The following CDH2 variants were observed in gnomAD, a reference collection of about 807,000 sequenced individuals.
CDH2 encodes the protein cadherin-2.
A neutral mutation model predicts 92.0 loss-of-function variants in CDH2; 17 were observed. That is an observed-to-expected ratio of 0.18 (90% confidence interval 0.13 to 0.28). The LOEUF is 0.28. Ranked by LOEUF, CDH2 falls within the 10% of genes least tolerant of loss-of-function variation. CDH2 has a pLI of 1.00. For synonymous variants in CDH2, 419 were observed against 415.9 expected, an observed-to-expected ratio of 1.01 and a Z score of -0.09; for missense variants, 862 against 1,133.1, an observed-to-expected ratio of 0.76 and a Z score of 3.44.
intron 15 of CDH2, among the ~76,000 whole-genome samples, chr18:27,955,944 C>T (rs998171852): frequency 6.6e-6 from 1 of 151,900 alleles, no homozygotes; most frequent in Non-Finnish European, 1.5e-5. Flanking sequence ...ACTTTAAATC[C>T]CTTCCATTTG....
intron 2 of CDH2, among the ~76,000 whole-genome samples, chr18:28,118,359 T>C (rs759756024): frequency 2.0e-5 from 3 of 152,162 alleles, no homozygotes; most frequent in Non-Finnish European, 4.4e-5. Flanking sequence ...CTATTATGTA[T>C]GACTTTTAGT....
At chr18:27,964,355 G>A (rs2011485956) in intron 14 of CDH2, among the ~76,000 whole-genome samples, 2 of 152,162 alleles carry the variant, frequency 1.3e-5, no homozygotes, top group South Asian at 4.1e-4. Context: ...CATCTGGACA[G>A]GAATGTATAA....
At chr18:28,046,522 C>G (rs1019689592) in intron 2 of CDH2, among the ~76,000 whole-genome samples, 4 of 152,036 alleles carry the variant, frequency 2.6e-5, no homozygotes, top group African/African-American at 7.2e-5. Context: ...AAACAAAAGT[C>G]ATAATTTAGA....
intron 2 of CDH2, among the ~76,000 whole-genome samples, chr18:28,016,533 C>G (rs1026946184): frequency 1.3e-5 from 2 of 152,032 alleles, no homozygotes; most frequent in Non-Finnish European, 2.9e-5. Flanking sequence ...TTATGGAATG[C>G]CAGGCACTGA....
At chr18:28,034,299 A>G (rs1361345787) in intron 2 of CDH2, among the ~76,000 whole-genome samples, 1 of 152,120 alleles carries the variant, frequency 6.6e-6, no homozygotes. Flanking sequence ...CCGAGTGAAT[A>G]TCACCAGTGA....
intron 2 of CDH2, among the ~76,000 whole-genome samples, chr18:28,126,829 AG>A (rs1216439479): frequency 3.3e-5 from 5 of 152,208 alleles, no homozygotes; most frequent in Admixed American, 3.3e-4. Flanking sequence ...TAAAATTGAA[AG>A]GTGGACAGAG....
Position 28,147,792 on chromosome 18 carries a change from A to G in CDH2, c.61-8T>C. On this transcript the variant is annotated splice_polypyrimidine_tract_variant and splice_region_variant and intron_variant, in intron 1 of 15. Transcript: ENST00000269141. ...AGAAGCCTCTACAGACGCCTGCAACACAAGAAAAAAAAAAAAAATGTGTGC... is the reference window on the plus strand; with the variant it reads ...AGAAGCCTCTACAGACGCCTGCAACGCAAGAAAAAAAAAAAAAATGTGTGC... 1.3e-6 allele frequency: 2 copies of G among 1,503,844 alleles called. No individual in the cohort carries two copies. Among genetic ancestry groups the G allele is most frequent in the Non-Finnish European group, 1.8e-6 (2 of 1,098,712 alleles). The allele number at this position is 1,503,844 out of a possible 1,614,324, so 93.2% of individuals were successfully genotyped here. A position where few individuals can be genotyped will look rare whatever the true frequency, so the allele number is the denominator to read the frequency against.
At chr18:28,151,187 G>A (rs997709970) in intron 1 of CDH2, among the ~76,000 whole-genome samples, 19 of 152,352 alleles carry the variant, frequency 1.2e-4, no homozygotes, top group African/African-American at 3.8e-4. Context: ...TTGGGCATTG[G>A]AAGTTCTCTG....
chr18:28,001,350 A>T (rs765494343), intron 7 of CDH2, among the ~76,000 whole-genome samples: 1 of 152,242 alleles, frequency 6.6e-6, no homozygotes, highest in Non-Finnish European at 1.5e-5. Context: ...TGAGATAGGA[A>T]TATTACCATA....
chr18:28,122,337 A>G (rs1327672153), intron 2 of CDH2, among the ~76,000 whole-genome samples: 1 of 152,114 alleles, frequency 6.6e-6, no homozygotes, highest in African/African-American at 2.4e-5. Flanking sequence ...GACTATTTCT[A>G]TTCAGTGTTG....
chr18:28,173,089 T>C (rs1028429486), intron 1 of CDH2, among the ~76,000 whole-genome samples: 1 of 151,796 alleles, frequency 6.6e-6, no homozygotes, highest in African/African-American at 2.4e-5. Context: ...AGAAAGATTT[T>C]AGTCTCTACA....
intron 2 of CDH2, among the ~76,000 whole-genome samples, chr18:28,109,324 T>C (rs185761915): frequency 2.0e-5 from 3 of 152,334 alleles, no homozygotes; most frequent in Admixed American, 2.0e-4. Flanking sequence ...TTTACTAATT[T>C]GCAAAGAAGT....
intron 2 of CDH2, among the ~76,000 whole-genome samples, chr18:28,127,684 CAG>C (rs1368359342): frequency 1.3e-5 from 2 of 151,716 alleles, no homozygotes; most frequent in African/African-American, 2.4e-5. Context: ...CAGAAAAAAA[CAG>C]AGTTTATTAC....
chr18:28,049,381 T>C (rs1056325114), intron 2 of CDH2, among the ~76,000 whole-genome samples: 14 of 152,180 alleles, frequency 9.2e-5, no homozygotes, highest in African/African-American at 3.1e-4. Context: ...AACACGCTCC[T>C]GAAACACTAC....
At chr18:28,012,136 C>T in intron 3 of CDH2, 144 bp from the exon 4 acceptor site, 1 of 625,220 alleles carries the variant, frequency 1.6e-6, no homozygotes, top group South Asian at 3.1e-5. Context: ...TCCCTGGCCC[C>T]CTATTAAAAT....
chr18:28,073,678 C>A (rs2014663022), intron 2 of CDH2, among the ~76,000 whole-genome samples: 1 of 152,080 alleles, frequency 6.6e-6, no homozygotes, highest in African/African-American at 2.4e-5. Context: ...ACCTGGTAAA[C>A]AGATATGTTA....
downstream of CDH2, chr18:27,950,939 T>TAGAAA (rs1209163728): frequency 3.3e-5 from 5 of 152,616 alleles, no homozygotes; most frequent in East Asian, 3.9e-4. Context: ...GCAGCTCAAG[T>TAGAAA]AGAAAAGAAA....
chr18:28,146,276 A>G (rs1014724199), intron 2 of CDH2: 2 of 152,166 alleles, frequency 1.3e-5, no homozygotes, highest in African/African-American at 4.8e-5. Context: ...ATTATTCTAC[A>G]GAATCATATC....
intron 1 of CDH2, among the ~76,000 whole-genome samples, chr18:28,165,578 T>C (rs908086676): frequency 2.0e-5 from 3 of 152,182 alleles, no homozygotes; most frequent in Admixed American, 6.5e-5. Flanking sequence ...TTATGATAGA[T>C]ACTATTTATT....
Sources: gnomAD v4.1 joint callset for allele counts (sites outside exome capture counted in the v4.1 genomes callset) on GRCh38, gnomAD v4.1.1 for gene constraint, MANE v1.5 for transcripts, NCBI Gene and HGNC (gene_info 2026-07-23, HGNC 2026-07-21) for gene names.